Variants in LAMA2 observed in about 807,000 individuals in gnomAD.
The protein encoded by LAMA2 is laminin subunit alpha-2.
Under a neutral mutation model 364.8 loss-of-function variants are expected in LAMA2, and 269 were observed. The observed-to-expected ratio is 0.74, with a 90% CI of 0.67 to 0.82. The LOEUF (loss-of-function observed/expected upper bound fraction) is 0.82, where lower values mean the gene tolerates loss of function less well. Ranked by LOEUF, LAMA2 falls within the 40% of genes least tolerant of loss-of-function variation. The probability of loss-of-function intolerance (pLI) is 0.00; values close to 1 mark genes in which losing one functional copy is unlikely to be tolerated. For synonymous variants in LAMA2, 1,379 were observed against 1,370.6 expected, an observed-to-expected ratio of 1.01 and a Z score of -0.14; for missense variants, 3,807 against 3,873.2, an observed-to-expected ratio of 0.98 and a Z score of 0.45.
chr6:129,383,687 G>C (rs1025463492), intron 35 of LAMA2, among the ~76,000 whole-genome samples: 2 of 152,176 alleles, frequency 1.3e-5, no homozygotes, highest in African/African-American at 4.8e-5. Context: ...ATTTGGATGT[G>C]CTACTTTATG....
chr6:129,322,382 G>A (rs7766689), intron 28 of LAMA2, among the ~76,000 whole-genome samples: 42,395 of 151,998 alleles, frequency 0.28, 8,433 homozygotes, highest in East Asian at 0.56. Flanking sequence ...TATGAAATGA[G>A]TGACCTTTCC....
At position 129,300,808 on chromosome 6, in the gene LAMA2, T is replaced by C. The variant is rs797045679; in HGVS notation, c.3110T>C (p.Ile1037Thr). 6 of 1,613,602 alleles carry C rather than the reference T, an allele frequency of 3.7e-6. No homozygotes were observed. The highest frequency in any genetic ancestry group is 3.3e-5 in the Admixed American group (2 of 59,986). ...CGATGCATTTGCCCTCCCAATACCA[T>C]TGGAGAGAAATGTTCTAAATGTGCA... ...TGRCICPPNTIGEKCSKCAPN... is the reference protein window; with the variant it reads ...TGRCICPPNTTGEKCSKCAPN... The change falls in exon 22 of 65, where the codon ATT becomes ACT. Residue 1037 changes from isoleucine to threonine, a missense_variant. This residue lies in a region of LAMA2 where 3,333 missense variants were observed against 3,345.7 expected (regional missense o/e 1.00). Coordinates refer to ENST00000421865, the MANE Select transcript of LAMA2 (RefSeq NM_000426.4).
intron 58 of LAMA2, among the ~76,000 whole-genome samples, chr6:129,494,765 T>C (rs1785069230): frequency 6.6e-6 from 1 of 152,204 alleles, no homozygotes; most frequent in African/African-American, 2.4e-5. Context: ...TCCTCAGCTC[T>C]TTCATAATTC....
At chr6:129,199,347 T>G (rs1015954812) in intron 12 of LAMA2, among the ~76,000 whole-genome samples, 5 of 152,176 alleles carry the variant, frequency 3.3e-5, no homozygotes, top group African/African-American at 1.2e-4. Flanking sequence ...GAAAAGCACT[T>G]TAACTGATGA....
chr6:129,078,585 A>C (rs1454330419), intron 3 of LAMA2, among the ~76,000 whole-genome samples: 1 of 152,110 alleles, frequency 6.6e-6, no homozygotes, highest in Non-Finnish European at 1.5e-5. Context: ...AATGTTTAAC[A>C]CTTTGGACCA....
At chr6:129,131,033 C>A (rs78810561) in intron 4 of LAMA2, among the ~76,000 whole-genome samples, 5,874 of 152,146 alleles carry the variant, frequency 0.039, 387 homozygotes, top group African/African-American at 0.13. Flanking sequence ...TATTTTTGTC[C>A]TTAATAGAAA....
At chr6:129,264,914 C>A (rs1787400268) in intron 15 of LAMA2, among the ~76,000 whole-genome samples, 1 of 152,006 alleles carries the variant, frequency 6.6e-6, no homozygotes, top group South Asian at 2.1e-4. Context: ...GAATATAATA[C>A]TTGTTAAGAG....
chr6:129,394,750 A>G (rs144695364), intron 37 of LAMA2, among the ~76,000 whole-genome samples: 16 of 152,346 alleles, frequency 1.1e-4, no homozygotes, highest in African/African-American at 3.8e-4. Flanking sequence ...TTTGAGAAAT[A>G]TTTCAAGAAG....
chr6:129,088,725 C>T (rs1002162424), intron 3 of LAMA2, among the ~76,000 whole-genome samples: 11 of 147,392 alleles, frequency 7.5e-5, no homozygotes, highest in East Asian at 4.1e-4. Context: ...GGGCGGCTGC[C>T]GGGCAGAGGG....
chr6:128,948,606 G>C (rs116632691), intron 1 of LAMA2, among the ~76,000 whole-genome samples: 1 of 152,140 alleles, frequency 6.6e-6, no homozygotes, highest in African/African-American at 2.4e-5. Context: ...CCTTCAAATC[G>C]CATGTTGAAA....
At chr6:129,030,044 C>G (rs919720002) in intron 1 of LAMA2, among the ~76,000 whole-genome samples, 1 of 151,980 alleles carries the variant, frequency 6.6e-6, no homozygotes, top group South Asian at 2.1e-4. Context: ...ATTACTTTGT[C>G]TTCTAACCTG....
chr6:129,356,202 A>G (rs1373157024), intron 32 of LAMA2, among the ~76,000 whole-genome samples: 1 of 152,124 alleles, frequency 6.6e-6, no homozygotes, highest in East Asian at 1.9e-4. Context: ...TGAAGAATGT[A>G]TACAAATAAT....
chr6:129,357,474 A>G (rs1181469155), intron 32 of LAMA2, among the ~76,000 whole-genome samples: 2 of 152,034 alleles, frequency 1.3e-5, no homozygotes, highest in Non-Finnish European at 2.9e-5. Context: ...ATCAGCTTTT[A>G]TTATTTATAG....
chr6:128,904,083 C>T (rs1035080748), intron 1 of LAMA2, among the ~76,000 whole-genome samples: 5 of 152,160 alleles, frequency 3.3e-5, no homozygotes, highest in East Asian at 3.9e-4. Flanking sequence ...CAGGGACCAA[C>T]GCCCAGGACA....
chr6:129,147,176 T>C, intron 6 of LAMA2, 128 bp downstream of exon 6: 1 of 729,222 alleles, frequency 1.4e-6, no homozygotes, highest in South Asian at 1.4e-5. Context: ...GTAACAGAAA[T>C]CCATGCCAGG....
chr6:129,143,392 G>C (rs1778244098), intron 4 of LAMA2, among the ~76,000 whole-genome samples: 1 of 151,518 alleles, frequency 6.6e-6, no homozygotes, highest in South Asian at 2.1e-4. Context: ...TGATAGATTT[G>C]TCTAGTTTTC....
At chr6:129,080,046 G>A (rs1417582833) in intron 3 of LAMA2, among the ~76,000 whole-genome samples, 1 of 151,986 alleles carries the variant, frequency 6.6e-6, no homozygotes, top group Non-Finnish European at 1.5e-5. Flanking sequence ...ACTTGTGTCT[G>A]GAATTACAAT....
intron 20 of LAMA2, chr6:129,292,924 G>C (rs991256077): frequency 4.1e-6 from 4 of 985,948 alleles, no homozygotes; most frequent in Non-Finnish European, 4.8e-6. Context: ...GGCTTCGTAG[G>C]GAAACAGTGC....
At chr6:129,505,027 T>C (rs999247115) in intron 60 of LAMA2, among the ~76,000 whole-genome samples, 173 bp from the exon 61 acceptor site, 1 of 152,242 alleles carries the variant, frequency 6.6e-6, no homozygotes, top group African/African-American at 2.4e-5. Context: ...GAATTTGAGA[T>C]ATTCTGTAAA....
Sources: allele counts gnomAD v4.1 joint callset (sites outside exome capture counted in the v4.1 genomes callset), GRCh38; gene constraint gnomAD v4.1.1; regional missense constraint gnomAD v4.1.1; transcripts MANE v1.5; gene names NCBI Gene and HGNC (gene_info 2026-07-23, HGNC 2026-07-21).